SLC14A2: variants seen among roughly 807,000 people sequenced by gnomAD.
SLC14A2 encodes the protein solute carrier family 14 member 2.
Under a neutral mutation model 104.6 loss-of-function variants are expected in SLC14A2, and 91 were observed. The observed-to-expected ratio is 0.87, with a 90% confidence interval of 0.73 to 1.04. The LOEUF (loss-of-function observed/expected upper bound fraction) is 1.04, where lower values mean the gene tolerates loss of function less well. Ranked by LOEUF, SLC14A2 falls within the 50% of genes least tolerant of loss-of-function variation. The probability of loss-of-function intolerance (pLI) is 0.00; values close to 1 mark genes in which losing one functional copy is unlikely to be tolerated. For missense variants in SLC14A2, 1,189 were observed against 1,156.0 expected (o/e 1.03, Z -0.41); for synonymous variants, 476 against 466.4 (o/e 1.02, Z -0.27).
intron 5 of SLC14A2, among the ~76,000 whole-genome samples, chr18:45,635,791 AAAG>A (rs2045408857): frequency 6.6e-6 from 1 of 152,218 alleles, no homozygotes; most frequent in Non-Finnish European, 1.5e-5. Context: ...ATCCAAAGAA[AAAG>A]AAGAGATTGA....
intron 2 of SLC14A2, among the ~76,000 whole-genome samples, chr18:45,508,697 G>A (rs2144782322): frequency 6.6e-6 from 1 of 152,212 alleles, no homozygotes; most frequent in Middle Eastern, 3.4e-3. Context: ...TCCTTTAGAT[G>A]GGTCACCCAA....
intron 1 of SLC14A2, among the ~76,000 whole-genome samples, chr18:45,318,047 A>G (rs2085147380): frequency 6.6e-6 from 1 of 152,180 alleles, no homozygotes; most frequent in Admixed American, 6.5e-5. Context: ...GGGAGCTAGG[A>G]CCTGGGAAAG....
chr18:45,542,035 G>GTTTTTTTTTTTGT (rs2043892024), intron 2 of SLC14A2, among the ~76,000 whole-genome samples: 8 of 54,230 alleles, frequency 1.5e-4, no homozygotes, highest in African/African-American at 2.5e-4. Flanking sequence ...AAGAGAGAGG[G>GTTTTTTTTTTTGT]TTTTTTTTTT....
intron 2 of SLC14A2, among the ~76,000 whole-genome samples, chr18:45,495,468 C>T (rs1489548289): frequency 6.6e-6 from 1 of 152,112 alleles, no homozygotes; most frequent in East Asian, 1.9e-4. Context: ...AAAATGCCAC[C>T]CAGCCACCCG....
intron 2 of SLC14A2, among the ~76,000 whole-genome samples, chr18:45,554,394 TA>T (rs1000835649): frequency 6.6e-6 from 1 of 152,162 alleles, no homozygotes; most frequent in Non-Finnish European, 1.5e-5. Flanking sequence ...TTAGCTCAGT[TA>T]TAAAGTCCAT....
intron 4 of SLC14A2, among the ~76,000 whole-genome samples, chr18:45,630,959 C>T (rs1443095521): frequency 6.6e-6 from 1 of 152,158 alleles, no homozygotes; most frequent in East Asian, 1.9e-4. Context: ...TCCTGCTCTC[C>T]TCTTATCTAG....
intron 1 of SLC14A2, among the ~76,000 whole-genome samples, chr18:45,224,394 A>G (rs753930445): frequency 8.5e-4 from 129 of 152,332 alleles, no homozygotes; most frequent in African/African-American, 3.1e-3. Flanking sequence ...ATCACGACCA[A>G]TCAGGTGCCA....
At chr18:45,373,324 C>T (rs2144359155) in intron 1 of SLC14A2, among the ~76,000 whole-genome samples, 1 of 152,306 alleles carries the variant, frequency 6.6e-6, no homozygotes, top group South Asian at 2.1e-4. Context: ...ATAGTTGCTG[C>T]ATTGGGTGAT....
At chr18:45,204,386 G>A in the SLC14A2 span, among the ~76,000 whole-genome samples, 1 of 152,202 alleles carries the variant, frequency 6.6e-6, no homozygotes, top group African/African-American at 2.4e-5. Context: ...ACATCACCGT[G>A]TGTGATTGTA....
chr18:45,435,727 A>G (rs2086585907), intron 1 of SLC14A2, among the ~76,000 whole-genome samples: 2 of 152,220 alleles, frequency 1.3e-5, no homozygotes, highest in South Asian at 4.1e-4. Flanking sequence ...CCAGGACTCT[A>G]TATCAACCTG....
intron 16 of SLC14A2, among the ~76,000 whole-genome samples, chr18:45,670,265 A>G (rs760066713): frequency 2.0e-5 from 3 of 152,176 alleles, no homozygotes; most frequent in Non-Finnish European, 4.4e-5. Flanking sequence ...GAGCTTTTAA[A>G]GTTTTTTTTA....
chr18:45,442,278 G>A (rs2542974), intron 1 of SLC14A2, among the ~76,000 whole-genome samples: 41,193 of 152,064 alleles, frequency 0.27, 5,763 homozygotes, highest in South Asian at 0.4. Context: ...ACAAAGTGCC[G>A]CAAACTGGAT....
intron 2 of SLC14A2, among the ~76,000 whole-genome samples, chr18:45,599,973 A>T (rs1375985380): frequency 6.6e-6 from 1 of 151,708 alleles, no homozygotes; most frequent in Non-Finnish European, 1.5e-5. Context: ...CCCTCCCACA[A>T]CACATGGGAA....
intron 2 of SLC14A2, among the ~76,000 whole-genome samples, chr18:45,569,665 T>G (rs944266811): frequency 1.3e-5 from 2 of 152,238 alleles, no homozygotes; most frequent in Non-Finnish European, 2.9e-5. Flanking sequence ...ACAGTGGACC[T>G]GATTTACTAC....
chr18:45,267,961 A>C (rs2084609424), intron 1 of SLC14A2, among the ~76,000 whole-genome samples: 1 of 152,134 alleles, frequency 6.6e-6, no homozygotes, highest in Non-Finnish European at 1.5e-5. Flanking sequence ...TGACTGTAAA[A>C]ATTTTATTTT....
intron 1 of SLC14A2, among the ~76,000 whole-genome samples, chr18:45,340,573 A>G (rs2085383686): frequency 6.6e-6 from 1 of 152,222 alleles, no homozygotes; most frequent in Non-Finnish European, 1.5e-5. Flanking sequence ...CAATGTAAGT[A>G]ATTCAAGGTA....
At chr18:45,209,042 C>A (rs11665589), upstream of SLC14A2, among the ~76,000 whole-genome samples, 11,562 of 89,056 alleles carry the variant, frequency 0.13, 585 homozygotes, top group African/African-American at 0.23. Context: ...AAAAAAAAAA[C>A]AACAACAACT....
At chr18:45,375,074 G>T (rs1568172562) in intron 1 of SLC14A2, among the ~76,000 whole-genome samples, 1 of 152,180 alleles carries the variant, frequency 6.6e-6, no homozygotes, top group Non-Finnish European at 1.5e-5. Context: ...ACTCCATCTT[G>T]CTTCTAACCT....
intron 2 of SLC14A2, among the ~76,000 whole-genome samples, chr18:45,561,879 G>A (rs1400721873): frequency 1.3e-5 from 2 of 151,282 alleles, no homozygotes; most frequent in Non-Finnish European, 3.0e-5. Flanking sequence ...TCTATTTGGG[G>A]ATCTATATAG....
Sources: allele counts gnomAD v4.1 joint callset (sites outside exome capture counted in the v4.1 genomes callset), GRCh38; gene constraint gnomAD v4.1.1; transcripts MANE v1.5; gene names NCBI Gene and HGNC (gene_info 2026-07-23, HGNC 2026-07-21).